Variants in SDK1 observed in about 807,000 individuals in gnomAD.
SDK1 encodes protein sidekick-1.
In SDK1, 157 loss-of-function variants were observed where a neutral mutation model predicts 245.5. The observed-to-expected ratio is 0.64, with a 90% CI of 0.56 to 0.73. SDK1 has a LOEUF of 0.73. SDK1 is among the 30% of genes least tolerant of loss of function. The probability of loss-of-function intolerance (pLI) is 0.00; values close to 1 mark genes in which losing one functional copy is unlikely to be tolerated. For synonymous variants in SDK1, 1,647 were observed against 1,278.5 expected, an observed-to-expected ratio of 1.29 and a Z score of -6.15; for missense variants, 3,583 against 3,002.3, an observed-to-expected ratio of 1.19 and a Z score of -4.52.
At position 3,908,655 on chromosome 7, in the gene SDK1, G is replaced by A. The variant is rs146031768; in HGVS notation, c.848-42268G>A. 3.1e-4 allele frequency among the ~76,000 whole-genome samples: 47 copies of A among 152,176 alleles called. No homozygotes were observed. In the East Asian group the frequency reaches 5.0e-3, roughly 16 times the overall value. ...CTCTTCTCACACCTAAGCCTATCCT[G>A]ATAATTGTCTTTTCCTCCAAATCCT... On this transcript the variant is annotated intron_variant, in intron 5 of 44. Coordinates refer to ENST00000404826, the MANE Select transcript of SDK1 (RefSeq NM_152744.4).
chr7:3,954,194 C>G (rs565959740), intron 7 of SDK1, among the ~76,000 whole-genome samples: 15 of 151,572 alleles, frequency 9.9e-5, no homozygotes, highest in African/African-American at 3.4e-4. Flanking sequence ...ACCACCCCGC[C>G]ACTGGCTGCC....
At position 3,807,462 on chromosome 7, in the gene SDK1, A is replaced by G. The variant is rs374940894; in HGVS notation, c.714-13988A>G. On this transcript the variant is annotated intron_variant, in intron 4 of 44. Transcript: ENST00000404826. ...AAAGATTCAGAAAATCTACCCCTGC[A>G]TTTCGTCACCAGTTTTGTGATCCCC... Among the ~76,000 whole-genome samples the G allele has an allele frequency of 2.6e-5, 4 of 152,316 alleles. No individual in the cohort carries two copies. In the East Asian group the frequency reaches 5.8e-4, roughly 22 times the overall value.
At chr7:3,440,980 A>T (rs1260662079) in intron 1 of SDK1, among the ~76,000 whole-genome samples, 3 of 152,220 alleles carry the variant, frequency 2.0e-5, no homozygotes, top group Admixed American at 6.5e-5. Context: ...AGTGAGGGAT[A>T]GTTACACAGA....
At chr7:4,192,913 A>C in intron 35 of SDK1, among the ~76,000 whole-genome samples, 1 of 151,208 alleles carries the variant, frequency 6.6e-6, no homozygotes, top group Non-Finnish European at 1.5e-5. Context: ...TTTTATTCAC[A>C]AATACTTTTA....
chr7:3,680,277 G>T (rs755885925), intron 4 of SDK1, among the ~76,000 whole-genome samples: 1 of 152,160 alleles, frequency 6.6e-6, no homozygotes, highest in African/African-American at 2.4e-5. Flanking sequence ...ATTAATGGTC[G>T]CAGGGAGTTA....
intron 17 of SDK1, among the ~76,000 whole-genome samples, chr7:4,022,842 C>G (rs1053670092): frequency 6.7e-6 from 1 of 149,854 alleles, no homozygotes; most frequent in African/African-American, 2.5e-5. Flanking sequence ...GGCGCGATCT[C>G]GGCTCACTGC....
intron 2 of SDK1, among the ~76,000 whole-genome samples, chr7:3,624,934 A>C (rs1295032235): frequency 6.6e-6 from 1 of 152,014 alleles, no homozygotes; most frequent in East Asian, 1.9e-4. Context: ...AATCCCAGCT[A>C]CTCGGGAGGC....
intron 1 of SDK1, among the ~76,000 whole-genome samples, chr7:3,517,832 T>G (rs903759801): frequency 6.6e-6 from 1 of 152,198 alleles, no homozygotes; most frequent in African/African-American, 2.4e-5. Flanking sequence ...TTTTAATACC[T>G]CACACTATAG....
At chr7:3,845,544 G>T (rs1256283311) in intron 5 of SDK1, among the ~76,000 whole-genome samples, 3 of 150,652 alleles carry the variant, frequency 2.0e-5, no homozygotes, top group Non-Finnish European at 2.9e-5. Context: ...ATGTGGAGTG[G>T]CCAGGCCTGA....
intron 5 of SDK1, among the ~76,000 whole-genome samples, chr7:3,832,945 C>T (rs1779946178): frequency 6.6e-6 from 1 of 151,852 alleles, no homozygotes; most frequent in African/African-American, 2.4e-5. Context: ...TTATTTTGCC[C>T]AGGAATAACT....
chr7:4,007,603 T>G lies in SDK1; in HGVS notation c.2132-3363T>G, dbSNP rs146967901. Among the ~76,000 whole-genome samples, 14 of 152,186 alleles carry G rather than the reference T, an allele frequency of 9.2e-5. No homozygotes were observed. The East Asian group carries it at 2.5e-3, about 27-fold the overall frequency. On this transcript the variant is annotated intron_variant, in intron 14 of 44. Transcript: ENST00000404826. ...ATATTATCACCCCATCTTTTCATTA[T>G]TTCCTTTAATTTGTTTTTTGAGACA...
At chr7:3,520,062 A>C (rs1041987672) in intron 1 of SDK1, among the ~76,000 whole-genome samples, 22 of 152,342 alleles carry the variant, frequency 1.4e-4, no homozygotes, top group Admixed American at 9.8e-4. Flanking sequence ...AGTTGTTCTT[A>C]TTAAAGTTAC....
intron 38 of SDK1, among the ~76,000 whole-genome samples, chr7:4,218,900 T>C (rs1266917562): frequency 6.6e-6 from 1 of 152,190 alleles, no homozygotes; most frequent in East Asian, 1.9e-4. Context: ...TGTTTTTTTT[T>C]TTAATGCATC....
chr7:4,092,312 C>G (rs756154044), intron 22 of SDK1, among the ~76,000 whole-genome samples: 1 of 152,178 alleles, frequency 6.6e-6, no homozygotes, highest in African/African-American at 2.4e-5. Flanking sequence ...GCTCGCCTAC[C>G]CCCTGTCCCG....
chr7:4,193,372 TTATA>T (rs10536828), intron 35 of SDK1, among the ~76,000 whole-genome samples: 16,931 of 102,896 alleles, frequency 0.16, 1,290 homozygotes, highest in Middle Eastern at 0.23. Context: ...ATTAAAATAT[TTATA>T]TATATATATA....
At chr7:4,264,024 C>G (rs113758085) in intron 44 of SDK1, among the ~76,000 whole-genome samples, 1 of 13,786 alleles carries the variant, frequency 7.3e-5, no homozygotes, top group African/African-American at 6.9e-4. Context: ...CCGCGTAGAC[C>G]TCTCCTGAGT....
At chr7:3,664,585 C>G (rs1054452559) in intron 4 of SDK1, among the ~76,000 whole-genome samples, 1 of 151,830 alleles carries the variant, frequency 6.6e-6, no homozygotes, top group Admixed American at 6.6e-5. Flanking sequence ...ACTAAAAATA[C>G]AAAAATTGGC....
At chr7:3,501,164 A>T (rs1365644853) in intron 1 of SDK1, among the ~76,000 whole-genome samples, 4 of 152,156 alleles carry the variant, frequency 2.6e-5, no homozygotes, top group Non-Finnish European at 5.9e-5. Flanking sequence ...ATATTATTTC[A>T]TTGCAGGGTG....
At chr7:3,815,954 C>G (rs1335941921) in intron 4 of SDK1, among the ~76,000 whole-genome samples, 22 of 143,320 alleles carry the variant, frequency 1.5e-4, no homozygotes, top group African/African-American at 5.3e-4. Context: ...CTCAAAGCCG[C>G]TCAACTACAT....
Sources: gnomAD v4.1 joint callset for allele counts (sites outside exome capture counted in the v4.1 genomes callset) on GRCh38, gnomAD v4.1.1 for gene constraint, MANE v1.5 for transcripts, NCBI Gene and HGNC (gene_info 2026-07-23, HGNC 2026-07-21) for gene names.